AUTS2: variants seen among roughly 807,000 people sequenced by gnomAD.
AUTS2 encodes activator of transcription and developmental regulator AUTS2, also known as autism susceptibility gene 2 protein.
AUTS2 carries 17 observed loss-of-function variants against 112.4 expected under a neutral mutation model. The observed-to-expected ratio is 0.15, with a 90% CI of 0.10 to 0.23. The LOEUF (loss-of-function observed/expected upper bound fraction) is 0.23. AUTS2 is among the 10% of genes least tolerant of loss of function. The pLI is 1.00. For synonymous variants in AUTS2, 751 were observed against 702.7 expected (o/e 1.07, Z -1.09); for missense variants, 1,510 against 1,701.6 (o/e 0.89, Z 1.98).
At chr7:70,070,521 G>A (rs537998034) in intron 2 of AUTS2, among the ~76,000 whole-genome samples, 28 of 152,076 alleles carry the variant, frequency 1.8e-4, no homozygotes, top group Admixed American at 1.7e-3. Flanking sequence ...GGAGTTTGCA[G>A]TGAGCAGAGA....
chr7:70,113,531 A>C (rs897147622), intron 2 of AUTS2, among the ~76,000 whole-genome samples: 2 of 152,204 alleles, frequency 1.3e-5, no homozygotes, highest in African/African-American at 4.8e-5. Context: ...GCTTACTGAA[A>C]CATTCCCCAA....
intron 4 of AUTS2, among the ~76,000 whole-genome samples, chr7:70,196,097 A>G (rs963705927): frequency 3.3e-5 from 5 of 151,936 alleles, no homozygotes; most frequent in African/African-American, 1.2e-4. Context: ...TCCCCTTTTT[A>G]TCCTGTAGGA....
At chr7:69,790,206 A>C (rs539507044) in intron 1 of AUTS2, among the ~76,000 whole-genome samples, 1 of 152,274 alleles carries the variant, frequency 6.6e-6, no homozygotes, top group South Asian at 2.1e-4. Context: ...TGGGAGGATC[A>C]CTTGAGCCCT....
intron 4 of AUTS2, among the ~76,000 whole-genome samples, chr7:70,379,426 T>G (rs1585078642): frequency 6.6e-6 from 1 of 151,218 alleles, no homozygotes; most frequent in East Asian, 1.9e-4. Flanking sequence ...CACTTGAATC[T>G]GGGAAGCAGA....
intron 5 of AUTS2, among the ~76,000 whole-genome samples, chr7:70,524,475 G>T (rs1425122519): frequency 1.3e-5 from 2 of 152,198 alleles, no homozygotes; most frequent in African/African-American, 4.8e-5. Context: ...GGACCTACAT[G>T]CCTACATTAA....
At chr7:70,290,727 A>G (rs1788670510) in intron 4 of AUTS2, 3 of 1,155,356 alleles carry the variant, frequency 2.6e-6, no homozygotes, top group Non-Finnish European at 3.3e-6. Context: ...CCCAGCTGGG[A>G]TTTTTGGCAT....
intron 4 of AUTS2, among the ~76,000 whole-genome samples, chr7:70,276,686 G>T (rs1362377912): frequency 2.0e-5 from 3 of 152,048 alleles, no homozygotes; most frequent in African/African-American, 7.2e-5. Context: ...GCCCAATTTT[G>T]TGACCATTTC....
chr7:69,818,773 AGAGT>A (rs1255419970), intron 1 of AUTS2, among the ~76,000 whole-genome samples: 1 of 152,160 alleles, frequency 6.6e-6, no homozygotes, highest in Non-Finnish European at 1.5e-5. Context: ...TAAAGAAGAG[AGAGT>A]AAGGTTGAAA....
intron 5 of AUTS2, among the ~76,000 whole-genome samples, chr7:70,573,911 T>G (rs1006933515): frequency 6.6e-6 from 1 of 152,162 alleles, no homozygotes; most frequent in African/African-American, 2.4e-5. Flanking sequence ...AATAAACATA[T>G]CGTGCATCAT....
intron 5 of AUTS2, among the ~76,000 whole-genome samples, chr7:70,681,510 C>T (rs1808206055): frequency 7.3e-6 from 1 of 136,230 alleles, no homozygotes; most frequent in Non-Finnish European, 1.6e-5. Flanking sequence ...CATCAGTGTA[C>T]ATATATATAT....
chr7:70,586,293 A>C (rs942909543), intron 5 of AUTS2, among the ~76,000 whole-genome samples: 1 of 152,214 alleles, frequency 6.6e-6, no homozygotes, highest in Non-Finnish European at 1.5e-5. Context: ...CTGCGGGAAG[A>C]TATCTGAAAT....
At chr7:69,899,178 C>A (rs935641958) in intron 1 of AUTS2, 108 bp from the exon 2 acceptor site, 4 of 782,266 alleles carry the variant, frequency 5.1e-6, no homozygotes, top group Non-Finnish European at 8.4e-6. Context: ...CTTTCCTATC[C>A]CTCTCCCACT....
intron 4 of AUTS2, among the ~76,000 whole-genome samples, chr7:70,375,802 A>G (rs1019376080): frequency 6.6e-6 from 1 of 152,286 alleles, no homozygotes; most frequent in Middle Eastern, 3.4e-3. Context: ...TTCCAATTAC[A>G]TACAATAACT....
chr7:70,641,393 C>CA (rs560265048), intron 5 of AUTS2, among the ~76,000 whole-genome samples: 347 of 148,092 alleles, frequency 2.3e-3, no homozygotes, highest in African/African-American at 6.4e-3. Context: ...ACTAAAAATA[C>CA]AAAAAAAAAA....
intron 4 of AUTS2, among the ~76,000 whole-genome samples, chr7:70,183,390 G>C (rs1562770562): frequency 6.6e-6 from 1 of 152,090 alleles, no homozygotes; most frequent in African/African-American, 2.4e-5. Flanking sequence ...TTTTATCATC[G>C]CTATTTTATG....
chr7:70,100,872 A>ATTTGTT (rs1475438062), intron 2 of AUTS2, among the ~76,000 whole-genome samples: 3 of 151,894 alleles, frequency 2.0e-5, no homozygotes, highest in Non-Finnish European at 2.9e-5. Flanking sequence ...CTTCATATAC[A>ATTTGTT]TTTGTTTTTG....
intron 1 of AUTS2, among the ~76,000 whole-genome samples, chr7:69,686,233 G>A (rs1431260750): frequency 6.6e-6 from 1 of 152,292 alleles, no homozygotes; most frequent in African/African-American, 2.4e-5. Context: ...TATTTGAATC[G>A]TGAATATACG....
intron 1 of AUTS2, among the ~76,000 whole-genome samples, chr7:69,644,982 C>G (rs1794959042): frequency 6.6e-6 from 1 of 151,964 alleles, no homozygotes; most frequent in Non-Finnish European, 1.5e-5. Context: ...TATTATAGCT[C>G]ACTGCAGCCT....
chr7:70,184,469 T>C (rs568659071), intron 4 of AUTS2, among the ~76,000 whole-genome samples: 15 of 152,360 alleles, frequency 9.8e-5, no homozygotes, highest in African/African-American at 3.6e-4. Context: ...TTCACTAGAA[T>C]GCAAGAACAT....
Sources: allele counts gnomAD v4.1 joint callset (sites outside exome capture counted in the v4.1 genomes callset), GRCh38; gene constraint gnomAD v4.1.1; transcripts MANE v1.5; gene names NCBI Gene and HGNC (gene_info 2026-07-23, HGNC 2026-07-21).